The following EDA variants were observed in gnomAD, a reference collection of about 807,000 sequenced individuals.
EDA encodes the protein ectodysplasin A, also known as ectodysplasin-A.
In EDA, 2 loss-of-function variants were observed where a neutral mutation model predicts 23.6. That is an observed-to-expected ratio of 0.08 (90% CI 0.03 to 0.27). The LOEUF is 0.27. Among genes scored for constraint, EDA ranks in the 10% least tolerant of loss-of-function variants. EDA has a pLI of 1.00. For synonymous variants in EDA, 131 were observed against 132.0 expected, an observed-to-expected ratio of 0.99 and a Z score of 0.05; for missense variants, 229 against 324.2, an observed-to-expected ratio of 0.71 and a Z score of 2.26.
intron 1 of EDA, among the ~76,000 whole-genome samples, chrX:69,792,626 A>G (rs2015434282): frequency 8.9e-6 from 1 of 112,377 alleles, no homozygotes; most frequent in Non-Finnish European, 1.9e-5. Flanking sequence ...CATCCATGCC[A>G]ACATCTATCG....
chrX:70,017,778 T>G (rs1427279688), intron 2 of EDA, among the ~76,000 whole-genome samples: 1 of 111,743 alleles, frequency 8.9e-6, no homozygotes, highest in Non-Finnish European at 1.9e-5. Context: ...GCATTCTTAT[T>G]GAGAACCAGA....
At chrX:69,758,631 C>G (rs1272232702) in intron 1 of EDA, among the ~76,000 whole-genome samples, 7 of 111,939 alleles carry the variant, frequency 6.3e-5, no homozygotes, top group Non-Finnish European at 7.5e-5. Flanking sequence ...GTCAGGAGTT[C>G]AAGACCAGTC....
rs886039347 is a variant in EDA at position 70,035,502 on chromosome X, C to T, written c.1069C>T (p.Arg357Trp). 2 of 1,209,925 alleles carry T rather than the reference C, an allele frequency of 1.7e-6. No homozygotes were observed. The highest frequency in any genetic ancestry group is 1.7e-5 in the African/African-American group (1 of 57,225). ...CGCAGGCGTCTGCCTCCTCAAGGCCCGGCAGAAGATCGCCGTCAAGATGGT... is the reference window on the plus strand; with the variant it reads ...CGCAGGCGTCTGCCTCCTCAAGGCCTGGCAGAAGATCGCCGTCAAGATGGT... ...YTAGVCLLKA[R>W]QKIAVKMVHA... Residue 357 changes from arginine (R) to tryptophan (W), a missense_variant, in exon 8 of 8, where the codon CGG becomes TGG. By Grantham distance (101) the Arg-to-Trp change is moderately radical (BLOSUM62 -3). This residue lies in a region of EDA where 175 missense variants were observed against 281.8 expected (regional missense o/e 0.62). Coordinates refer to ENST00000374552, the MANE Select transcript of EDA (RefSeq NM_001399.5).
chrX:69,872,171 T>TA lies in EDA; in HGVS notation c.397-84855dup, dbSNP rs2017576350. The stretch of plus-strand genomic sequence containing the variant: ...CTAAGCTTCATAAATGAAGGAAAGA[T>TA]ACAATCTTTTCCAGACAAACAAATG... On this transcript the variant is annotated intron_variant, in intron 1 of 7. Coordinates refer to ENST00000374552, the MANE Select transcript of EDA (RefSeq NM_001399.5). Among the ~76,000 whole-genome samples, 2 of 111,659 alleles carry TA rather than the reference T, an allele frequency of 1.8e-5. 1 individual carries two copies. Among genetic ancestry groups the TA allele is most frequent in the South Asian group, 7.4e-4 (2 of 2,685 alleles).
At chrX:69,789,289 G>C (rs868133392) in intron 1 of EDA, among the ~76,000 whole-genome samples, 15 of 112,300 alleles carry the variant, frequency 1.3e-4, no homozygotes, top group Non-Finnish European at 2.6e-4. Flanking sequence ...GACCGGAGCT[G>C]TTCCTATTCG....
intron 1 of EDA, among the ~76,000 whole-genome samples, chrX:69,953,235 C>T (rs2018953630): frequency 8.9e-6 from 1 of 112,227 alleles, no homozygotes; most frequent in African/African-American, 3.2e-5. Flanking sequence ...TCTGAAAGGA[C>T]TGGAAAAGAT....
intron 1 of EDA, among the ~76,000 whole-genome samples, chrX:69,743,313 C>A (rs2013518404): frequency 8.9e-6 from 1 of 111,844 alleles, no homozygotes; most frequent in Non-Finnish European, 1.9e-5. Flanking sequence ...TAAGGCATTG[C>A]TTATGGTACA....
At chrX:69,879,111 C>T (rs1003962370) in intron 1 of EDA, among the ~76,000 whole-genome samples, 1 of 110,472 alleles carries the variant, frequency 9.1e-6, no homozygotes, top group Non-Finnish European at 1.9e-5. Context: ...TCCCGCCAAG[C>T]CTTCAAGGTA....
At chrX:69,841,626 C>T (rs975818353) in intron 1 of EDA, among the ~76,000 whole-genome samples, 1 of 111,896 alleles carries the variant, frequency 8.9e-6, no homozygotes, top group African/African-American at 3.2e-5. Context: ...GCTGGGATTA[C>T]AGGAATGAGC....
At chrX:69,788,977 C>T (rs749719274) in intron 1 of EDA, among the ~76,000 whole-genome samples, 10 of 112,707 alleles carry the variant, frequency 8.9e-5, no homozygotes, top group East Asian at 5.6e-4. Flanking sequence ...GAGCCAGGTG[C>T]GGGATATAAT....
At chrX:69,795,744 C>T (rs1428964909) in intron 1 of EDA, among the ~76,000 whole-genome samples, 3 of 112,774 alleles carry the variant, frequency 2.7e-5, no homozygotes, top group Non-Finnish European at 5.6e-5. Flanking sequence ...GTGCCCTCCC[C>T]AGTGGCAAAG....
At chrX:69,944,231 G>A (rs1185583116) in intron 1 of EDA, among the ~76,000 whole-genome samples, 1 of 111,956 alleles carries the variant, frequency 8.9e-6, no homozygotes, top group Non-Finnish European at 1.9e-5. Context: ...CTCTCCTTTT[G>A]TCAAGCAAGA....
intron 2 of EDA, among the ~76,000 whole-genome samples, chrX:69,960,656 G>A (rs2019086074): frequency 9.2e-6 from 1 of 108,587 alleles, no homozygotes; most frequent in South Asian, 4.0e-4. Context: ...GTGAGTTATG[G>A]CCAAAAAAAA....
intron 1 of EDA, among the ~76,000 whole-genome samples, chrX:69,849,787 G>GA (rs35849607): frequency 3.1e-4 from 34 of 110,616 alleles, no homozygotes; most frequent in African/African-American, 1.1e-3. Flanking sequence ...TTCTAGTGTA[G>GA]AAAAAAAATG....
intron 1 of EDA, among the ~76,000 whole-genome samples, chrX:69,847,663 C>T (rs749176399): frequency 1.8e-5 from 2 of 111,692 alleles, no homozygotes; most frequent in African/African-American, 6.5e-5. Context: ...AGTTGTATTC[C>T]GTTGTTTGAA....
chrX:69,842,933 G>C (rs764358673), intron 1 of EDA, among the ~76,000 whole-genome samples: 1 of 111,759 alleles, frequency 8.9e-6, no homozygotes, highest in African/African-American at 3.2e-5. Context: ...CCAAGCAGAT[G>C]CCAGCTTCAT....
intron 1 of EDA, among the ~76,000 whole-genome samples, chrX:69,929,889 T>C (rs1040530322): frequency 5.4e-5 from 6 of 110,296 alleles, no homozygotes; most frequent in Non-Finnish European, 1.1e-4. Context: ...CTCTAAGTTA[T>C]GGCCACTTTT....
intron 1 of EDA, among the ~76,000 whole-genome samples, chrX:69,784,432 A>G (rs1344115705): frequency 4.2e-5 from 4 of 94,927 alleles, no homozygotes; most frequent in East Asian, 3.2e-4. Flanking sequence ...TAGGTCTAAC[A>G]TTTAAGTCTT....
chrX:69,754,796 A>G (rs1019508451), intron 1 of EDA, among the ~76,000 whole-genome samples: 1 of 111,672 alleles, frequency 9.0e-6, no homozygotes, highest in Admixed American at 9.5e-5. Flanking sequence ...ACTTCATTTC[A>G]TTAATTTGAT....
Sources: allele counts gnomAD v4.1 joint callset (sites outside exome capture counted in the v4.1 genomes callset), GRCh38; gene constraint gnomAD v4.1.1; regional missense constraint gnomAD v4.1.1; transcripts MANE v1.5; gene names NCBI Gene and HGNC (gene_info 2026-07-23, HGNC 2026-07-21).